The following AKAP13 variants were observed in gnomAD, a reference collection of about 807,000 sequenced individuals.
AKAP13 encodes A-kinase anchor protein 13.
In AKAP13, 80 loss-of-function variants were observed where a neutral mutation model predicts 264.5. The ratio of observed to expected loss-of-function variants is 0.30; its 90% CI spans 0.25 to 0.36. The LOEUF (loss-of-function observed/expected upper bound fraction) is 0.36. Among genes scored for constraint, AKAP13 ranks in the 10% least tolerant of loss-of-function variants. AKAP13 has a pLI of 1.00. For missense variants in AKAP13, 3,712 were observed against 3,435.2 expected (o/e 1.08, Z -2.01); for synonymous variants, 1,380 against 1,250.2 (o/e 1.10, Z -2.19).
chr15:85,517,785 G>C (rs1226834468), intron 2 of AKAP13, among the ~76,000 whole-genome samples: 1 of 152,082 alleles, frequency 6.6e-6, no homozygotes, highest in East Asian at 1.9e-4. Flanking sequence ...CTAGTATAGA[G>C]GTCTTTTCCA....
rs541741378 is a variant in AKAP13 at position 85,512,489 on chromosome 15, T to C, written c.34-8939T>C. On this transcript the variant is annotated intron_variant, in intron 2 of 36. Transcript: ENST00000394518. ...TTCCTTCTATCAACAATGATCTCTT[T>C]ACACGTATCTCTTTTTTCCCCACAC... Among the ~76,000 whole-genome samples, 100 of 152,280 alleles carry C rather than the reference T, an allele frequency of 6.6e-4. 1 individual carries two copies. In the South Asian group the frequency reaches 0.017, roughly 25 times the overall value.
intron 1 of AKAP13, among the ~76,000 whole-genome samples, chr15:85,397,321 T>A (rs1208255578): frequency 6.6e-6 from 1 of 152,184 alleles, no homozygotes; most frequent in African/African-American, 2.4e-5. Flanking sequence ...GGTAAAGAAT[T>A]ATTTTGGCTG....
rs1187072953 is a variant in AKAP13 at position 85,708,471 on chromosome 15, C to T, written c.5532+385C>T. 6.6e-6 allele frequency among the ~76,000 whole-genome samples: 1 copy of T among 152,064 alleles called. No homozygotes were observed. The highest frequency in any genetic ancestry group is 6.6e-5 in the Admixed American group (1 of 15,260). Reference sequence around the variant, plus strand: ...CAGGGCAGCAGGTGGAGGTCAGGGGCATTGACCTGCTGGTGGGGGTGGGGA... The same window carrying T: ...CAGGGCAGCAGGTGGAGGTCAGGGGTATTGACCTGCTGGTGGGGGTGGGGA... On this transcript the variant is annotated intron_variant, in intron 18 of 36. Coordinates refer to ENST00000394518, the MANE Select transcript of AKAP13 (RefSeq NM_007200.5). The surrounding 1 kb of genome is among the most constrained non-coding windows in gnomAD (Gnocchi z 4.3).
In AKAP13 at chr15:85,458,097, G is replaced by A. The variant is rs147261982; in HGVS notation, c.-11-27613G>A. ...AGAGGTTGCAGTGAGCCGAGATTGC[G>A]CCACTGCACTCCTGCCTGATGACAG... On this transcript the variant is annotated intron_variant, in intron 1 of 36. Transcript: ENST00000394518. Among the ~76,000 whole-genome samples, 534 of 147,514 alleles carry A rather than the reference G, an allele frequency of 3.6e-3. 5 individuals carry two copies. Among genetic ancestry groups the A allele is most frequent in the African/African-American group, 0.013 (501 of 39,408 alleles).
At chr15:85,448,059 C>A (rs2073959688) in intron 1 of AKAP13, among the ~76,000 whole-genome samples, 1 of 152,074 alleles carries the variant, frequency 6.6e-6, no homozygotes, top group African/African-American at 2.4e-5. Context: ...TTAATAATAG[C>A]CATTCTGAGT....
chr15:85,580,577 A>T lies in AKAP13; in HGVS notation c.2509A>T (p.Thr837Ser). 1 of 1,614,242 alleles carries T rather than the reference A, an allele frequency of 6.2e-7. No homozygotes were observed. The highest frequency in any genetic ancestry group is 1.1e-5 in the South Asian group (1 of 91,086). Reference protein sequence around the residue: ...GPDGNSNEPDTRPLEDRAVGL... With the variant: ...GPDGNSNEPDSRPLEDRAVGL... ...AGATGGAAATTCGAATGAGCCTGAT[A>T]CGCGGCCACTAGAAGACAGGGCAGT... Residue 837 changes from threonine (T) to serine (S), a missense_variant, in exon 7 of 37, where the codon ACG (threonine) becomes TCG (serine). Physicochemically the swap from Thr to Ser is moderately conservative, Grantham distance 58. Coordinates refer to ENST00000394518, the MANE Select transcript of AKAP13 (RefSeq NM_007200.5).
At chr15:85,639,165 A>G (rs1316503786) in intron 8 of AKAP13, among the ~76,000 whole-genome samples, 1 of 152,132 alleles carries the variant, frequency 6.6e-6, no homozygotes, top group African/African-American at 2.4e-5. Flanking sequence ...TTGTATGCCT[A>G]ATTTTTATTG....
At chr15:85,409,789 C>A (rs914268909) in intron 1 of AKAP13, among the ~76,000 whole-genome samples, 3 of 151,400 alleles carry the variant, frequency 2.0e-5, no homozygotes, top group African/African-American at 4.9e-5. Flanking sequence ...CACCACCACA[C>A]CCTGCTAATT....
At chr15:85,460,767 A>G (rs1283066225) in intron 1 of AKAP13, among the ~76,000 whole-genome samples, 1 of 152,238 alleles carries the variant, frequency 6.6e-6, no homozygotes, top group Non-Finnish European at 1.5e-5. Context: ...CTGGCTCTGA[A>G]GATGGAGAAA....
intron 35 of AKAP13, 117 bp downstream of exon 35, chr15:85,741,612 A>G (rs1198004790): frequency 2.1e-6 from 3 of 1,396,592 alleles, no homozygotes; most frequent in Non-Finnish European, 1.9e-6. Flanking sequence ...CCAGATGCTC[A>G]TGCCTGTGAT....
intron 3 of AKAP13, among the ~76,000 whole-genome samples, chr15:85,522,370 A>C (rs556944976): frequency 3.3e-5 from 5 of 152,180 alleles, no homozygotes; most frequent in Non-Finnish European, 5.9e-5. Flanking sequence ...CTGCAAGCAG[A>C]TATAAGGGAA....
In AKAP13 at chr15:85,639,362, T is replaced by C. The variant is rs1439831979; in HGVS notation, c.4162-12T>C. On this transcript the variant is annotated splice_polypyrimidine_tract_variant and intron_variant, in intron 8 of 36. Transcript: ENST00000394518. ...TCAATGTCTGAAACTCTGTGTTTTC[T>C]TTTTCTTTCAGATAAACCGAGAAAA... is the stretch of plus-strand genomic sequence containing the variant. 1 of 1,596,576 alleles carries C rather than the reference T, an allele frequency of 6.3e-7. No individual in the cohort carries two copies. Among genetic ancestry groups the C allele is most frequent in the Non-Finnish European group, 8.6e-7 (1 of 1,168,656 alleles).
chr15:85,485,215 G>C lies in AKAP13; in HGVS notation c.-11-495G>C, dbSNP rs537074166. Among the ~76,000 whole-genome samples the C allele has an allele frequency of 8.5e-5, 13 of 152,282 alleles. 1 individual carries two copies. In the South Asian group the frequency reaches 2.7e-3, roughly 32 times the overall value. On this transcript the variant is annotated intron_variant, in intron 1 of 36. Transcript: ENST00000394518. ...ACTTTGAGGAGGGTCATGCCTTTTAGTGGTTAGAGAGGCAAGCTGTAGCCT... is the reference window on the plus strand; with the variant it reads ...ACTTTGAGGAGGGTCATGCCTTTTACTGGTTAGAGAGGCAAGCTGTAGCCT...
chr15:85,431,547 A>C (rs932210744), intron 1 of AKAP13, among the ~76,000 whole-genome samples: 1 of 152,206 alleles, frequency 6.6e-6, no homozygotes, highest in Admixed American at 6.5e-5. Context: ...GGAAAATCAA[A>C]GAGGTATTAA....
rs978426269 is a variant in AKAP13 at position 85,708,231 on chromosome 15, A to T, written c.5532+145A>T. The T allele has an allele frequency of 9.8e-5, 68 of 697,396 alleles. No homozygotes were observed. The East Asian group carries it at 1.9e-3, about 20-fold the overall frequency. 43.2% of individuals were successfully genotyped at this position (697,396 alleles called of 1,614,324 possible). On this transcript the variant is annotated intron_variant, in intron 18 of 36. Transcript: ENST00000394518. The surrounding 1 kb of genome is among the most constrained non-coding windows in gnomAD (Gnocchi z 4.3). ...CTTTGAGAACAAATTATAACTAAAA[A>T]ATATTTTTTCTCTTAAGCGATCAAT...
At chr15:85,483,081 T>C (rs2075398273) in intron 1 of AKAP13, among the ~76,000 whole-genome samples, 1 of 152,230 alleles carries the variant, frequency 6.6e-6, no homozygotes, top group African/African-American at 2.4e-5. Flanking sequence ...CATCAGCCCT[T>C]TCTTAGAGCC....
intron 1 of AKAP13, among the ~76,000 whole-genome samples, chr15:85,456,359 T>A (rs942502925): frequency 6.6e-5 from 10 of 152,304 alleles, no homozygotes; most frequent in East Asian, 1.9e-4. Context: ...AATCCTGACT[T>A]CTTCTTCTTA....
chr15:85,468,468 C>T (rs921894417), intron 1 of AKAP13, among the ~76,000 whole-genome samples: 10 of 152,228 alleles, frequency 6.6e-5, no homozygotes, highest in East Asian at 5.8e-4. Context: ...TAAAATCAGT[C>T]GTGATTTGTA....
intron 1 of AKAP13, among the ~76,000 whole-genome samples, chr15:85,402,396 G>GTT (rs1239239940): frequency 1.3e-5 from 2 of 152,194 alleles, no homozygotes; most frequent in Non-Finnish European, 2.9e-5. Flanking sequence ...ATCTCCATCT[G>GTT]TTGGCTGGAT....
Sources: gnomAD v4.1 joint callset for allele counts (sites outside exome capture counted in the v4.1 genomes callset) on GRCh38, gnomAD v4.1.1 for gene constraint, Gnocchi (gnomAD v3.1) non-coding constraint, MANE v1.5 for transcripts, NCBI Gene and HGNC (gene_info 2026-07-23, HGNC 2026-07-21) for gene names.